IQANK1: variants seen among roughly 807,000 people sequenced by gnomAD.
IQANK1 encodes IQ motif and ankyrin repeat containing 1.
In IQANK1, 30 loss-of-function variants were observed where a neutral mutation model predicts 22.6. The ratio of observed to expected loss-of-function variants is 1.33; its 90% CI spans 0.99 to 1.80. The LOEUF (loss-of-function observed/expected upper bound fraction) is 1.80, where lower values mean the gene tolerates loss of function less well. Ranked by LOEUF, IQANK1 falls within the 40% of genes most tolerant of loss-of-function variation. The pLI, the probability that IQANK1 is intolerant of heterozygous loss-of-function variation, is 0.00. For synonymous variants in IQANK1, 122 were observed against 99.6 expected, an observed-to-expected ratio of 1.23 and a Z score of -1.34; for missense variants, 275 against 235.2, an observed-to-expected ratio of 1.17 and a Z score of -1.11.
intron 7 of IQANK1, among the ~76,000 whole-genome samples, chr8:143,773,358 C>A (rs1819623227): frequency 6.6e-6 from 1 of 151,648 alleles, no homozygotes; most frequent in Non-Finnish European, 1.5e-5. Flanking sequence ...CTGGGCCAGG[C>A]TGGAGACACA....
chr8:143,749,582 A>ATTT (rs1554627816), intron 3 of IQANK1, among the ~76,000 whole-genome samples: 2 of 129,432 alleles, frequency 1.5e-5, no homozygotes, highest in African/African-American at 6.0e-5. Flanking sequence ...ATATATATAT[A>ATTT]TTTTATTTAT....
chr8:143,738,692 C>T (rs371526112), intron 2 of IQANK1, among the ~76,000 whole-genome samples: 1 of 152,154 alleles, frequency 6.6e-6, no homozygotes. Flanking sequence ...GGCACCAATG[C>T]CCCCCGCCCC....
At chr8:143,734,502 C>T (rs1167726145) in intron 1 of IQANK1, among the ~76,000 whole-genome samples, 1 of 151,450 alleles carries the variant, frequency 6.6e-6, no homozygotes, top group Non-Finnish European at 1.5e-5. Context: ...ACATGCGGAC[C>T]CCGAATGACC....
chr8:143,745,386 A>C (rs1295539893), intron 3 of IQANK1: 4 of 151,814 alleles, frequency 2.6e-5, no homozygotes, highest in Non-Finnish European at 5.9e-5. Flanking sequence ...GTCACCACAG[A>C]GCTCCTGCCA....
chr8:143,740,446 G>T (rs1407016647), intron 3 of IQANK1, among the ~76,000 whole-genome samples: 1 of 152,206 alleles, frequency 6.6e-6, no homozygotes, highest in Non-Finnish European at 1.5e-5. Flanking sequence ...ATACCGCCCT[G>T]AGGCTCAGCA....
intron 7 of IQANK1, among the ~76,000 whole-genome samples, chr8:143,776,200 A>G (rs1161195640): frequency 6.6e-6 from 1 of 151,910 alleles, no homozygotes; most frequent in Non-Finnish European, 1.5e-5. Flanking sequence ...GGGCGCCTGT[A>G]GTCCCAGCTA....
intron 7 of IQANK1, among the ~76,000 whole-genome samples, chr8:143,773,326 C>CAAAAAAAA (rs1563777460): frequency 8.2e-6 from 1 of 121,580 alleles, no homozygotes; most frequent in African/African-American, 3.9e-5. Flanking sequence ...ACAAAAAAAA[C>CAAAAAAAA]ACAAAAAAAA....
intron 3 of IQANK1, among the ~76,000 whole-genome samples, chr8:143,761,354 G>A (rs1819394224): frequency 6.6e-6 from 1 of 152,236 alleles, no homozygotes; most frequent in Non-Finnish European, 1.5e-5. Flanking sequence ...CGGACGCGAT[G>A]CCTCCGACTC....
At chr8:143,750,079 A>G (rs1398377085) in intron 3 of IQANK1, among the ~76,000 whole-genome samples, 2 of 151,856 alleles carry the variant, frequency 1.3e-5, no homozygotes, top group Non-Finnish European at 2.9e-5. Flanking sequence ...TTCTCGGCTC[A>G]CTGCAACCTC....
At chr8:143,773,017 G>A (rs1819611779) in intron 7 of IQANK1, among the ~76,000 whole-genome samples, 1 of 152,188 alleles carries the variant, frequency 6.6e-6, no homozygotes, top group Non-Finnish European at 1.5e-5. Flanking sequence ...GGACAGTCTG[G>A]CTGTCTGGCC....
At chr8:143,748,462 A>G (rs1405795322) in intron 3 of IQANK1, among the ~76,000 whole-genome samples, 2 of 142,102 alleles carry the variant, frequency 1.4e-5, no homozygotes, top group African/African-American at 5.2e-5. Flanking sequence ...ATATATAAAT[A>G]TACATGATAT....
intron 7 of IQANK1, among the ~76,000 whole-genome samples, chr8:143,773,031 C>T (rs780131687): frequency 1.3e-5 from 2 of 152,190 alleles, no homozygotes; most frequent in Non-Finnish European, 2.9e-5. Context: ...TCTGGCCGGG[C>T]GTGATGGCTC....
At chr8:143,780,827 TCTG>T in intron 7 of IQANK1, among the ~76,000 whole-genome samples, 1 of 152,232 alleles carries the variant, frequency 6.6e-6, no homozygotes, top group African/African-American at 2.4e-5. Context: ...TTTATATTCC[TCTG>T]GGTATATACC....
Position 143,789,495 on chromosome 8 carries a change from G to C in IQANK1, c.1053G>C (p.Trp351Cys). 8.1e-7 allele frequency: 1 copy of C among 1,232,288 alleles called. No homozygotes were observed. Among genetic ancestry groups the C allele is most frequent in the South Asian group, 4.1e-5 (1 of 24,326 alleles). The allele number at this position is 1,232,288 out of a possible 1,614,324, so 76.3% of individuals were successfully genotyped here. Residue 351 changes from tryptophan to cysteine, a missense_variant, in exon 10 of 14, where the codon TGG becomes TGC. Transcript: ENST00000527139. ...RRISEHDQCE[W>C]RCMDKTKLTL... ...TCTCAGAGCACGACCAGTGTGAGTG[G>C]AGGTGCATGGACAAGACCAAGCTCA...
At chr8:143,734,828 C>T (rs1032466304) in intron 1 of IQANK1, among the ~76,000 whole-genome samples, 2 of 151,526 alleles carry the variant, frequency 1.3e-5, no homozygotes, top group Non-Finnish European at 2.9e-5. Flanking sequence ...TACCAGACGC[C>T]CCCCCATGTA....
At position 143,772,125 on chromosome 8, in the gene IQANK1, T is replaced by G. The variant is rs1333905472; in HGVS notation, c.545T>G (p.Val182Gly). ...AGEARRLQRR[V>G]ALAECEDSYG... ...GAGGCGCGGCGGCTGCAGCGACGCG[T>G]GGCTCTGGCGGAGTGCGAGGACAGC... Residue 182 changes from valine to glycine, a missense_variant, in exon 6 of 14, where the codon GTG becomes GGG. Transcript: ENST00000527139. 5.1e-6 allele frequency: 2 copies of G among 395,372 alleles called. No homozygotes were observed. Among genetic ancestry groups the G allele is most frequent in the African/African-American group, 4.1e-5 (2 of 48,392 alleles). The allele number at this position is 395,372 out of a possible 1,614,324, so 24.5% of individuals were successfully genotyped here.
chr8:143,777,476 A>C lies in IQANK1; in HGVS notation c.789+4994A>C, dbSNP rs1399520675. Among the ~76,000 whole-genome samples the C allele has an allele frequency of 2.8e-5, 4 of 144,722 alleles. No homozygotes were observed. In the East Asian group the frequency reaches 8.6e-4, roughly 31 times the overall value. 94.9% of individuals were successfully genotyped at this position (144,722 alleles called of 152,430 possible). Reference sequence around the variant, plus strand: ...GGCTGCAGTGAGCTGAGCTGAGATCATGCCACTGCACTCCAGCCTGGGCGA... The same window carrying C: ...GGCTGCAGTGAGCTGAGCTGAGATCCTGCCACTGCACTCCAGCCTGGGCGA... On this transcript the variant is annotated intron_variant, in intron 7 of 13. Coordinates refer to ENST00000527139, the MANE Select transcript of IQANK1 (RefSeq NM_001381874.1).
chr8:143,763,828 G>A (rs782701845), intron 3 of IQANK1, among the ~76,000 whole-genome samples: 1 of 152,166 alleles, frequency 6.6e-6, no homozygotes, highest in Non-Finnish European at 1.5e-5. Flanking sequence ...TAACACATTA[G>A]CCAATTGATC....
At chr8:143,786,199 C>G (rs1819885870) in intron 7 of IQANK1, among the ~76,000 whole-genome samples, 1 of 152,124 alleles carries the variant, frequency 6.6e-6, no homozygotes, top group African/African-American at 2.4e-5. Context: ...CATTTGAAGC[C>G]TAGAAAGGTA....
Sources: gnomAD v4.1 joint callset for allele counts (sites outside exome capture counted in the v4.1 genomes callset) on GRCh38, gnomAD v4.1.1 for gene constraint, MANE v1.5 for transcripts, NCBI Gene and HGNC (gene_info 2026-07-23, HGNC 2026-07-21) for gene names.